Variants in VPS13B observed in about 807,000 individuals in gnomAD.
The protein encoded by VPS13B is vacuolar protein sorting 13 homolog B.
A neutral mutation model predicts 426.4 loss-of-function variants in VPS13B; 285 were observed. The observed-to-expected ratio is 0.67, with a 90% CI of 0.61 to 0.74. The LOEUF is 0.74. Ranked by LOEUF, VPS13B falls within the 30% of genes least tolerant of loss-of-function variation. VPS13B has a pLI of 0.00. For missense variants in VPS13B, 4,537 were observed against 4,782.6 expected, an observed-to-expected ratio of 0.95 and a Z score of 1.51; for synonymous variants, 1,676 against 1,676.4, an observed-to-expected ratio of 1.00 and a Z score of 0.01.
chr8:99,164,447 A>G (rs964199247), intron 15 of VPS13B, among the ~76,000 whole-genome samples: 2 of 152,190 alleles, frequency 1.3e-5, no homozygotes, highest in Admixed American at 6.5e-5. Flanking sequence ...AAAGGTGCAG[A>G]GTCCTCCTTT....
chr8:99,054,993 G>GT (rs1389743264), intron 3 of VPS13B, among the ~76,000 whole-genome samples: 2 of 149,084 alleles, frequency 1.3e-5, no homozygotes, highest in Non-Finnish European at 3.0e-5. Flanking sequence ...GTGCTTTGTA[G>GT]TAAGTTTTGA....
intron 34 of VPS13B, among the ~76,000 whole-genome samples, chr8:99,659,199 AT>A (rs1349236295): frequency 1.3e-5 from 2 of 152,054 alleles, no homozygotes; most frequent in Non-Finnish European, 2.9e-5. Flanking sequence ...AATTATTAAG[AT>A]TTAGTATATT....
At chr8:99,541,140 T>G (rs1034777951) in intron 30 of VPS13B, among the ~76,000 whole-genome samples, 1 of 152,164 alleles carries the variant, frequency 6.6e-6, no homozygotes, top group Non-Finnish European at 1.5e-5. Context: ...TTATCTGTTT[T>G]TAAGATTACC....
At chr8:99,751,341 T>A (rs1810384319) in intron 39 of VPS13B, among the ~76,000 whole-genome samples, 1 of 152,284 alleles carries the variant, frequency 6.6e-6, no homozygotes, top group East Asian at 1.9e-4. Flanking sequence ...GAGAAGAAGA[T>A]CTCTTCCACT....
intron 19 of VPS13B, among the ~76,000 whole-genome samples, chr8:99,376,160 T>C (rs533654745): frequency 6.6e-6 from 1 of 152,292 alleles, no homozygotes; most frequent in African/African-American, 2.4e-5. Context: ...TCATTAGTTG[T>C]CTCCCAGGCT....
chr8:99,790,628 G>A (rs1270674767), intron 43 of VPS13B, among the ~76,000 whole-genome samples: 2 of 152,150 alleles, frequency 1.3e-5, no homozygotes, highest in Admixed American at 6.6e-5. Flanking sequence ...AAAATCAATT[G>A]CATCTGGATA....
chr8:99,495,831 A>T (rs1820853548), intron 25 of VPS13B, among the ~76,000 whole-genome samples: 1 of 152,100 alleles, frequency 6.6e-6, no homozygotes, highest in South Asian at 2.1e-4. Context: ...CTTAAATTTT[A>T]TTCTTAGCTT....
intron 3 of VPS13B, among the ~76,000 whole-genome samples, chr8:99,086,795 G>A (rs1845834590): frequency 6.6e-6 from 1 of 152,194 alleles, no homozygotes; most frequent in African/African-American, 2.4e-5. Flanking sequence ...AGCAAATGTT[G>A]CTGCCTGATT....
chr8:99,605,583 T>G (rs1827529927), intron 33 of VPS13B, among the ~76,000 whole-genome samples: 1 of 152,202 alleles, frequency 6.6e-6, no homozygotes, highest in Admixed American at 6.5e-5. Context: ...TTCCCATCAT[T>G]CTAGTTTTTT....
At chr8:99,418,018 A>G (rs1324032380) in intron 21 of VPS13B, among the ~76,000 whole-genome samples, 2 of 152,144 alleles carry the variant, frequency 1.3e-5, no homozygotes, top group African/African-American at 2.4e-5. Context: ...TTTTATTTAA[A>G]TATATTAATC....
chr8:99,358,588 A>G (rs181672441), intron 19 of VPS13B, among the ~76,000 whole-genome samples: 25 of 152,324 alleles, frequency 1.6e-4, no homozygotes, highest in African/African-American at 5.8e-4. Context: ...CCCAGTAGTC[A>G]AAAACCTTCA....
chr8:99,780,682 A>G (rs778847042), intron 42 of VPS13B, among the ~76,000 whole-genome samples: 1 of 152,176 alleles, frequency 6.6e-6, no homozygotes, highest in Non-Finnish European at 1.5e-5. Context: ...ATGAGCCACA[A>G]GAGGATATAC....
intron 5 of VPS13B, among the ~76,000 whole-genome samples, chr8:99,107,279 A>C (rs1043600277): frequency 9.2e-5 from 14 of 152,332 alleles, no homozygotes; most frequent in Non-Finnish European, 1.6e-4. Context: ...TATCCACAAT[A>C]TATAACTTCT....
intron 3 of VPS13B, among the ~76,000 whole-genome samples, chr8:99,044,513 C>T (rs1587955676): frequency 6.6e-6 from 1 of 151,100 alleles, no homozygotes; most frequent in East Asian, 1.9e-4. Context: ...TTTTTTATTT[C>T]TATAGGTTAT....
intron 40 of VPS13B, among the ~76,000 whole-genome samples, chr8:99,774,086 A>T (rs1811634757): frequency 1.3e-5 from 2 of 152,324 alleles, no homozygotes; most frequent in South Asian, 4.1e-4. Flanking sequence ...CTTTTATAGT[A>T]TATAATGGTG....
At chr8:99,131,406 T>C (rs192751640) in intron 8 of VPS13B, among the ~76,000 whole-genome samples, 237 of 152,322 alleles carry the variant, frequency 1.6e-3, no homozygotes, top group African/African-American at 5.3e-3. Flanking sequence ...ATAAATAATA[T>C]GTTATAAGCA....
At chr8:99,168,489 T>G (rs745891591) in intron 15 of VPS13B, among the ~76,000 whole-genome samples, 2 of 152,090 alleles carry the variant, frequency 1.3e-5, no homozygotes, top group Non-Finnish European at 2.9e-5. Flanking sequence ...TATTCATAAC[T>G]CGAAATATTT....
chr8:99,403,587 G>A (rs1815167893), intron 21 of VPS13B, among the ~76,000 whole-genome samples: 1 of 151,418 alleles, frequency 6.6e-6, no homozygotes, highest in Admixed American at 6.6e-5. Flanking sequence ...AGAGGATTTT[G>A]CTTGACTGTC....
At chr8:99,536,849 A>G (rs1198159593) in intron 30 of VPS13B, 3 of 497,008 alleles carry the variant, frequency 6.0e-6, no homozygotes, top group Non-Finnish European at 1.3e-5. Context: ...AAACTGAGGT[A>G]TAGTACCACT....
Sources: allele counts gnomAD v4.1 joint callset (sites outside exome capture counted in the v4.1 genomes callset), GRCh38; gene constraint gnomAD v4.1.1; transcripts MANE v1.5; gene names NCBI Gene and HGNC (gene_info 2026-07-23, HGNC 2026-07-21).